Variants in PCSK4 observed in about 807,000 individuals in gnomAD.
PCSK4 encodes the protein proprotein convertase subtilisin/kexin type 4, also known as testicular tissue protein Li 135.
PCSK4 carries 64 observed loss-of-function variants against 80.3 expected under a neutral mutation model. The ratio of observed to expected loss-of-function variants is 0.80; its 90% CI spans 0.65 to 0.98. The LOEUF is 0.98. Among genes scored for constraint, PCSK4 ranks in the 50% least tolerant of loss-of-function variants. The pLI is 0.00. For missense variants in PCSK4, 1,213 were observed against 1,093.6 expected (o/e 1.11, Z -1.54); for synonymous variants, 561 against 487.6 (o/e 1.15, Z -1.98).
At chr19:1,487,752 G>T (rs755222792) in intron 5 of PCSK4, 33 bp downstream of exon 5, 4 of 1,551,530 alleles carry the variant, frequency 2.6e-6, no homozygotes, top group Non-Finnish European at 3.5e-6. Context: ...GGGTACTGGG[G>T]CTTCCCCCGT....
intron 1 of PCSK4, 78 bp from the exon 2 acceptor site, chr19:1,489,975 C>A (rs1033502488): frequency 4.0e-5 from 61 of 1,536,468 alleles, no homozygotes; most frequent in Non-Finnish European, 5.3e-5. Context: ...TAACAGCCCC[C>A]TTCTTTGTCC....
chr19:1,486,441 C>T (rs941348615), intron 8 of PCSK4, among the ~76,000 whole-genome samples: 8 of 152,078 alleles, frequency 5.3e-5, no homozygotes, highest in South Asian at 2.1e-4. Flanking sequence ...GGACTACAGG[C>T]GCCCACCACC....
intron 2 of PCSK4, chr19:1,489,486 C>T: frequency 2.7e-6 from 1 of 374,148 alleles, no homozygotes; most frequent in Middle Eastern, 7.8e-4. Context: ...CCCTTCCCTC[C>T]ATCCCATGAC....
exon 12 of PCSK4, chr19:1,483,421 G>C: frequency 6.2e-7 from 1 of 1,601,294 alleles, no homozygotes; most frequent in Non-Finnish European, 8.5e-7. Context: ...GGCCGGCGCA[G>C]GCCGATACGT....
chr19:1,486,534 G>A (rs1013858151), intron 8 of PCSK4, among the ~76,000 whole-genome samples: 1 of 151,736 alleles, frequency 6.6e-6, no homozygotes, highest in Non-Finnish European at 1.5e-5. Flanking sequence ...CCGACCTCGT[G>A]ATCCACCCGC....
chr19:1,483,259 C>G (rs775502482), intron 12 of PCSK4, 25 bp downstream of exon 12: 13 of 1,537,550 alleles, frequency 8.5e-6, no homozygotes, highest in Non-Finnish European at 1.1e-5. Context: ...ATGAGGCCGC[C>G]CCCTCTCCTC....
intron 14 of PCSK4, 60 bp downstream of exon 14, chr19:1,482,293 C>A: frequency 1.3e-6 from 2 of 1,531,494 alleles, no homozygotes; most frequent in Non-Finnish European, 1.7e-6. Context: ...GCCACATGCA[C>A]GCTGCCCACG....
chr19:1,481,676 G>A (rs980586496), exon 15 of PCSK4: 1 of 1,019,906 alleles, frequency 9.8e-7, no homozygotes, highest in African/African-American at 1.6e-5. Flanking sequence ...TCGCTCCTCT[G>A]GGGCCAGCCT....
chr19:1,486,873 C>T (rs1261482082), exon 8 of PCSK4: 17 of 1,598,290 alleles, frequency 1.1e-5, no homozygotes, highest in Admixed American at 5.0e-5. Flanking sequence ...TCGGTGGCCA[C>T]GCCGCTGCTG....
intron 6 of PCSK4, 56 bp downstream of exon 6, chr19:1,487,547 G>C: frequency 1.4e-6 from 2 of 1,441,652 alleles, no homozygotes; most frequent in African/African-American, 1.4e-5. Flanking sequence ...CTCCCCGCCA[G>C]AGTCACCCCC....
intron 6 of PCSK4, 106 bp downstream of exon 6, chr19:1,487,497 C>G (rs551363608): frequency 9.1e-7 from 1 of 1,095,108 alleles, no homozygotes; most frequent in South Asian, 1.4e-5. Flanking sequence ...CTAGCACCAC[C>G]CAGCAGTGAG....
intron 8 of PCSK4, among the ~76,000 whole-genome samples, chr19:1,486,595 C>CA (rs981667951): frequency 7.4e-5 from 11 of 147,776 alleles, no homozygotes; most frequent in Non-Finnish European, 1.4e-4. Context: ...CGTGCCTGGC[C>CA]TTTTTTTTTT....
exon 13 of PCSK4, chr19:1,482,898 G>T: frequency 9.2e-7 from 1 of 1,090,738 alleles, no homozygotes; most frequent in South Asian, 1.2e-5. Context: ...GCCCTCACCC[G>T]TGTTGAAATA....
Position 1,482,225 on chromosome 19 carries a change from C to T in PCSK4, c.1820-18G>A, listed in dbSNP as rs1018829662. ...GTCACACGCTGCTCGGGGACACGCA[C>T]GCAAAGGCCCGTCAGCTTGCCACCC... On this transcript the variant is annotated intron_variant, in intron 14 of 14. Transcript: ENST00000300954. 2.1e-5 allele frequency: 32 copies of T among 1,524,186 alleles called. No individual in the cohort carries two copies. Among genetic ancestry groups the T allele is most frequent in the Admixed American group, 3.9e-5 (2 of 50,772 alleles). 94.4% of individuals were successfully genotyped at this position (1,524,186 alleles called of 1,614,324 possible).
At chr19:1,483,747 C>T in exon 11 of PCSK4, 1 of 1,592,612 alleles carries the variant, frequency 6.3e-7, no homozygotes, top group Non-Finnish European at 8.5e-7. Context: ...TCCAGCAGCC[C>T]GTATCCGTAG....
chr19:1,483,294 C>G, exon 12 of PCSK4: 2 of 1,598,040 alleles, frequency 1.3e-6, no homozygotes. Flanking sequence ...CGTATGGCCA[C>G]GAGTGTGGAG....
chr19:1,484,058 C>G lies in PCSK4; in HGVS notation c.1138G>C (p.Ala380Pro), dbSNP rs1164154211. 1 of 1,560,554 alleles carries G rather than the reference C, an allele frequency of 6.4e-7. No homozygotes were observed. The highest frequency in any genetic ancestry group is 1.9e-5 in the Admixed American group (1 of 53,060). The change falls in exon 9 of 15, where the codon GCC becomes CCC. Residue 380 changes from alanine (A) to proline (P), a missense_variant. Transcript: ENST00000300954. ...TCCAGCGCTAGGGCGATCATGCCGG[C>G]CGCCAGTGGGGCTGAGGCCGAGGTG...
chr19:1,485,896 C>T (rs1298932600), intron 8 of PCSK4, among the ~76,000 whole-genome samples: 2 of 152,034 alleles, frequency 1.3e-5, no homozygotes, highest in Admixed American at 6.6e-5. Flanking sequence ...GAAAAGAAAC[C>T]CTGGGCTGAA....
rs913563721 is a variant in PCSK4, at chr19:1,483,932, C to G, written c.1179G>C (p.Leu393=). The G allele has an allele frequency of 6.2e-6, 9 of 1,457,884 alleles. No homozygotes were observed. In the African/African-American group the frequency reaches 1.2e-4, roughly 19 times the overall value. 90.3% of individuals were successfully genotyped at this position (1,457,884 alleles called of 1,614,324 possible). ...CCAGGTGCTGCATGTCTCTCCACGT[C>G]AGGAACGGGCTGCGGGGGGCGGGGG... The change falls in exon 10 of 15, where the codon CTG becomes CTC. Residue 393 remains leucine, a synonymous_variant. Transcript: ENST00000300954.
Sources: allele counts gnomAD v4.1 joint callset (sites outside exome capture counted in the v4.1 genomes callset), GRCh38; gene constraint gnomAD v4.1.1; transcripts MANE v1.5; gene names NCBI Gene and HGNC (gene_info 2026-07-23, HGNC 2026-07-21).